Variants in THSD4 observed in about 807,000 individuals in gnomAD.
THSD4 encodes thrombospondin type 1 domain containing 4, also known as thrombospondin type-1 domain-containing protein 4.
THSD4 carries 69 observed loss-of-function variants against 119.0 expected under a neutral mutation model. The observed-to-expected ratio is 0.58, with a 90% CI of 0.48 to 0.71. The LOEUF is 0.71. THSD4 is among the 30% of genes least tolerant of loss of function. THSD4 has a pLI of 0.00. For missense variants in THSD4, 1,393 were observed against 1,391.1 expected (o/e 1.00, Z -0.02); for synonymous variants, 524 against 540.4 (o/e 0.97, Z 0.42).
chr15:71,241,648 T>C (rs2044154123), intron 4 of THSD4, among the ~76,000 whole-genome samples: 1 of 152,208 alleles, frequency 6.6e-6, no homozygotes, highest in Non-Finnish European at 1.5e-5. Flanking sequence ...TTCACATTGG[T>C]AGCTTGATAT....
chr15:71,677,513 A>C (rs4776567), intron 8 of THSD4, among the ~76,000 whole-genome samples: 1 of 152,118 alleles, frequency 6.6e-6, no homozygotes, highest in Non-Finnish European at 1.5e-5. Context: ...TACTTTCCAC[A>C]TGGTGTCTGA....
intron 6 of THSD4, among the ~76,000 whole-genome samples, chr15:71,390,379 T>A (rs1374980456): frequency 6.6e-6 from 1 of 152,238 alleles, no homozygotes; most frequent in Non-Finnish European, 1.5e-5. Context: ...GAAACCAAGA[T>A]GGAAAGAAAT....
At chr15:71,652,585 G>T (rs976314920) in intron 7 of THSD4, among the ~76,000 whole-genome samples, 6 of 152,270 alleles carry the variant, frequency 3.9e-5, no homozygotes, top group Non-Finnish European at 8.8e-5. Context: ...TGTTGGAATT[G>T]GGGGAGGTGG....
intron 1 of THSD4, among the ~76,000 whole-genome samples, chr15:71,102,382 T>C (rs1410336301): frequency 6.6e-6 from 1 of 152,164 alleles, no homozygotes; most frequent in Non-Finnish European, 1.5e-5. Flanking sequence ...TTTGGTATTT[T>C]TTCCCACAGG....
chr15:71,653,429 G>A (rs2051130690), intron 7 of THSD4, among the ~76,000 whole-genome samples: 2 of 152,174 alleles, frequency 1.3e-5, no homozygotes, highest in South Asian at 4.1e-4. Flanking sequence ...GGGTGATTTT[G>A]CTCCCATGGG....
chr15:71,405,831 T>G (rs1034759477), intron 6 of THSD4, among the ~76,000 whole-genome samples: 1 of 152,236 alleles, frequency 6.6e-6, no homozygotes, highest in African/African-American at 2.4e-5. Flanking sequence ...CAACAATATT[T>G]TGAGGTTTTC....
At chr15:71,283,715 G>A (rs1011239270) in intron 6 of THSD4, among the ~76,000 whole-genome samples, 1 of 152,132 alleles carries the variant, frequency 6.6e-6, no homozygotes, top group Non-Finnish European at 1.5e-5. Flanking sequence ...GCTAGTAAGC[G>A]GCTTTAACTC....
At chr15:71,421,768 G>A (rs1277612455) in intron 7 of THSD4, among the ~76,000 whole-genome samples, 2 of 152,144 alleles carry the variant, frequency 1.3e-5, no homozygotes, top group Admixed American at 6.5e-5. Context: ...TACCCCATCT[G>A]TCCTGTACTT....
chr15:71,262,138 A>G (rs2044407650), intron 6 of THSD4, among the ~76,000 whole-genome samples: 1 of 152,192 alleles, frequency 6.6e-6, no homozygotes, highest in South Asian at 2.1e-4. Context: ...GCAATGCCAC[A>G]TAGAATAGTA....
At chr15:71,759,466 A>G (rs2053595981) in intron 15 of THSD4, among the ~76,000 whole-genome samples, 1 of 152,206 alleles carries the variant, frequency 6.6e-6, no homozygotes, top group Admixed American at 6.5e-5. Context: ...AAGATGCTAT[A>G]CATAAAGAGA....
intron 7 of THSD4, among the ~76,000 whole-genome samples, chr15:71,441,156 G>C (rs930882025): frequency 6.6e-6 from 1 of 152,176 alleles, no homozygotes; most frequent in Non-Finnish European, 1.5e-5. Context: ...GTTCAGTGCA[G>C]GGTGCATTGT....
At chr15:71,615,342 A>G (rs2050302327) in intron 7 of THSD4, among the ~76,000 whole-genome samples, 1 of 152,208 alleles carries the variant, frequency 6.6e-6, no homozygotes, top group African/African-American at 2.4e-5. Flanking sequence ...TAAAATGTAG[A>G]TAGGTACGTA....
At chr15:71,527,344 T>C (rs1255541027) in intron 7 of THSD4, among the ~76,000 whole-genome samples, 1 of 152,106 alleles carries the variant, frequency 6.6e-6, no homozygotes, top group Non-Finnish European at 1.5e-5. Flanking sequence ...ACACACAAAC[T>C]CTTCTCTGAT....
At chr15:71,245,966 G>A (rs2044196135) in intron 5 of THSD4, among the ~76,000 whole-genome samples, 1 of 152,042 alleles carries the variant, frequency 6.6e-6, no homozygotes, top group African/African-American at 2.4e-5. Context: ...CAGCATCTCA[G>A]CATCAATGAC....
chr15:71,361,262 C>A (rs548197655), intron 6 of THSD4, among the ~76,000 whole-genome samples: 17 of 152,272 alleles, frequency 1.1e-4, no homozygotes, highest in East Asian at 9.7e-4. Context: ...TGACCTACTT[C>A]TCTGTGCCCA....
chr15:71,651,955 T>C (rs2051098745), intron 7 of THSD4, among the ~76,000 whole-genome samples: 1 of 152,224 alleles, frequency 6.6e-6, no homozygotes, highest in African/African-American at 2.4e-5. Context: ...TGAATCTCCA[T>C]CATTGCCTTC....
chr15:71,289,809 G>C (rs957404348), intron 6 of THSD4, among the ~76,000 whole-genome samples: 2 of 152,212 alleles, frequency 1.3e-5, no homozygotes, highest in East Asian at 3.9e-4. Flanking sequence ...AACAAGGGAA[G>C]AATAGGAAAA....
chr15:71,668,043 T>C (rs1307680272), intron 8 of THSD4, among the ~76,000 whole-genome samples: 1 of 152,222 alleles, frequency 6.6e-6, no homozygotes. Flanking sequence ...GTTATTGATT[T>C]TTTTTTAGTG....
intron 6 of THSD4, among the ~76,000 whole-genome samples, chr15:71,344,746 G>A (rs774757144): frequency 6.6e-6 from 1 of 152,174 alleles, no homozygotes; most frequent in Non-Finnish European, 1.5e-5. Context: ...TGTATCATGA[G>A]CATTCACAAA....
Sources: allele counts gnomAD v4.1 joint callset (sites outside exome capture counted in the v4.1 genomes callset), GRCh38; gene constraint gnomAD v4.1.1; transcripts MANE v1.5; gene names NCBI Gene and HGNC (gene_info 2026-07-23, HGNC 2026-07-21).